The following GJA1 variants were observed in gnomAD, a reference collection of about 807,000 sequenced individuals.
GJA1 encodes gap junction protein alpha 1.
Under a neutral mutation model 31.0 loss-of-function variants are expected in GJA1, and 9 were observed. The ratio of observed to expected loss-of-function variants is 0.29; its 90% CI spans 0.17 to 0.51. The LOEUF is 0.51. Ranked by LOEUF, GJA1 falls within the 20% of genes least tolerant of loss-of-function variation. The pLI is 0.98. For missense variants in GJA1, 278 were observed against 468.8 expected, an observed-to-expected ratio of 0.59 and a Z score of 3.76; for synonymous variants, 186 against 180.1, an observed-to-expected ratio of 1.03 and a Z score of -0.26.
chr6:121,441,209 C>T (rs1358401976), intron 1 of GJA1, among the ~76,000 whole-genome samples: 4 of 152,294 alleles, frequency 2.6e-5, no homozygotes, highest in South Asian at 2.1e-4. Flanking sequence ...GCCTCGGCCT[C>T]CCAAAGTGCT....
At chr6:121,443,040 C>T (rs923071147) in intron 1 of GJA1, among the ~76,000 whole-genome samples, 4 of 152,150 alleles carry the variant, frequency 2.6e-5, no homozygotes, top group African/African-American at 7.2e-5. Flanking sequence ...AGAAATATAC[C>T]TGTTTCCCCC....
intron 1 of GJA1, among the ~76,000 whole-genome samples, chr6:121,437,033 C>A (rs957024735): frequency 6.6e-6 from 1 of 152,222 alleles, no homozygotes; most frequent in African/African-American, 2.4e-5. Context: ...AGTATTTGCA[C>A]CAGTGAATGC....
At chr6:121,445,176 G>A (rs564282197) in intron 1 of GJA1, among the ~76,000 whole-genome samples, 51 of 152,102 alleles carry the variant, frequency 3.4e-4, no homozygotes, top group Non-Finnish European at 5.1e-4. Flanking sequence ...TTAGTGAGAC[G>A]GAGTCTCTCT....
intron 1 of GJA1, among the ~76,000 whole-genome samples, chr6:121,445,185 C>CT (rs1394062044): frequency 6.6e-6 from 1 of 152,194 alleles, no homozygotes; most frequent in Non-Finnish European, 1.5e-5. Flanking sequence ...CGGAGTCTCT[C>CT]TTTGTCACCC....
At position 121,447,622 on chromosome 6, in the gene GJA1, G is replaced by T; in HGVS notation, c.775G>T (p.Asp259Tyr). 3.7e-6 allele frequency: 6 copies of T among 1,613,912 alleles called. No individual in the cohort carries two copies. The highest frequency in any genetic ancestry group is 5.1e-6 in the Non-Finnish European group (6 of 1,179,972). ...ATSGALSPAK[D>Y]CGSQKYAYFN... ...CAGTGGTGCGCTGAGCCCTGCCAAA[G>T]ACTGTGGGTCTCAAAAATATGCTTA... is the stretch of plus-strand genomic sequence containing the variant. The change falls in exon 2 of 2, where the codon GAC (aspartate) becomes TAC (tyrosine). Residue 259 changes from aspartate to tyrosine, a missense_variant. By Grantham distance (160) the Asp-to-Tyr change is radical. Coordinates refer to ENST00000282561, the MANE Select transcript of GJA1 (RefSeq NM_000165.5).
chr6:121,438,152 A>C (rs1346860500), intron 1 of GJA1, among the ~76,000 whole-genome samples: 1 of 152,202 alleles, frequency 6.6e-6, no homozygotes, highest in Admixed American at 6.5e-5. Context: ...TTATTAGAAC[A>C]TTGTTCCCCC....
At position 121,448,030 on chromosome 6, in the gene GJA1, T is replaced by A; in HGVS notation, c.*34T>A. On this transcript the variant is annotated 3_prime_UTR_variant, in exon 2 of 2. Transcript: ENST00000282561. Reference sequence around the variant, plus strand: ...TTGAAAGCATCAAGATTCCACTCAATTGTGGAGAAGAAAAAAGGTGCTGTA... The same window carrying A: ...TTGAAAGCATCAAGATTCCACTCAAATGTGGAGAAGAAAAAAGGTGCTGTA... The A allele has an allele frequency of 6.3e-7, 1 of 1,579,558 alleles. No individual in the cohort carries two copies. The highest frequency in any genetic ancestry group is 8.7e-7 in the Non-Finnish European group (1 of 1,148,486).
chr6:121,448,181 TGGAGAGG>T lies in GJA1; in HGVS notation c.*187_*193del, dbSNP rs1224478048. 3.0e-6 allele frequency: 2 copies of T among 661,528 alleles called. No homozygotes were observed. The highest frequency in any genetic ancestry group is 5.6e-6 in the Non-Finnish European group (2 of 359,596). 41.0% of individuals were successfully genotyped at this position (661,528 alleles called of 1,614,324 possible). On this transcript the variant is annotated 3_prime_UTR_variant, in exon 2 of 2. Transcript: ENST00000282561. ...ACTGGGGGTGTATGGGGTAGATGGG[TGGAGAGG>T]GAGGGGATAAGAGAGGTGCATGTTG...
At chr6:121,445,781 C>G (rs1392968344) in intron 1 of GJA1, among the ~76,000 whole-genome samples, 2 of 152,114 alleles carry the variant, frequency 1.3e-5, no homozygotes, top group Non-Finnish European at 2.9e-5. Context: ...TATTTCCATA[C>G]AGCCTACTTT....
intron 1 of GJA1, among the ~76,000 whole-genome samples, chr6:121,438,824 C>T (rs987364863): frequency 6.6e-6 from 1 of 151,110 alleles, no homozygotes; most frequent in Non-Finnish European, 1.5e-5. Context: ...AAATTCTTAG[C>T]ATAATTGTCT....
chr6:121,449,495 T>A lies in GJA1; in HGVS notation c.*1499T>A, dbSNP rs545138467. On this transcript the variant is annotated 3_prime_UTR_variant, in exon 2 of 2. Transcript: ENST00000282561. ...TACCAGTTTCTCCAAATGCCTTTTTTAAAACTCATCACAGAAGATTGGTGA... is the reference window on the plus strand; with the variant it reads ...TACCAGTTTCTCCAAATGCCTTTTTAAAAACTCATCACAGAAGATTGGTGA... 6.0e-6 allele frequency: 1 copy of A among 167,216 alleles called. No individual in the cohort carries two copies. The highest frequency in any genetic ancestry group is 2.4e-5 in the African/African-American group (1 of 41,588). 10.4% of individuals were successfully genotyped at this position (167,216 alleles called of 1,614,324 possible).
At chr6:121,440,782 C>T (rs975622335) in intron 1 of GJA1, among the ~76,000 whole-genome samples, 7 of 151,978 alleles carry the variant, frequency 4.6e-5, no homozygotes, top group Admixed American at 3.3e-4. Flanking sequence ...CACTCTATCA[C>T]CCGGGTTGGA....
At chr6:121,439,244 G>A (rs556985763) in intron 1 of GJA1, among the ~76,000 whole-genome samples, 3 of 152,226 alleles carry the variant, frequency 2.0e-5, no homozygotes, top group South Asian at 2.1e-4. Flanking sequence ...TCTAAAGGTC[G>A]TCTAAAGAGT....
intron 1 of GJA1, among the ~76,000 whole-genome samples, chr6:121,437,158 C>T (rs1177576017): frequency 6.6e-6 from 1 of 152,184 alleles, no homozygotes; most frequent in Non-Finnish European, 1.5e-5. Flanking sequence ...CTGCCCGAAC[C>T]AGCTCGGTCT....
At position 121,444,159 on chromosome 6, in the gene GJA1, CTGTCTT is replaced by C. The variant is rs527310455; in HGVS notation, c.-16-2668_-16-2663del. Among the ~76,000 whole-genome samples, 337 of 152,292 alleles carry C rather than the reference CTGTCTT, an allele frequency of 2.2e-3. 1 individual carries two copies. Among genetic ancestry groups the C allele is most frequent in the African/African-American group, 7.9e-3 (327 of 41,574 alleles). On this transcript the variant is annotated intron_variant, in intron 1 of 1. Transcript: ENST00000282561. ...TTCAAGCCTTTCCTTGGCTATTCAA[CTGTCTT>C]TGTCAGCCTTTCAAGCCTTTGTTCT...
Position 121,447,686 on chromosome 6 carries a change from C to G in GJA1, c.839C>G (p.Pro280Arg), listed in dbSNP as rs1180040756. ...GCSSPTAPLS[P>R]MSPPGYKLVT... ...TCCTCACCAACCGCTCCCCTCTCGC[C>G]TATGTCTCCTCCTGGGTACAAGCTG... The change falls in exon 2 of 2, where the codon CCT becomes CGT. Residue 280 changes from proline (P) to arginine (R), a missense_variant. Coordinates refer to ENST00000282561, the MANE Select transcript of GJA1 (RefSeq NM_000165.5). 1 of 1,614,096 alleles carries G rather than the reference C, an allele frequency of 6.2e-7. No homozygotes were observed. Among genetic ancestry groups the G allele is most frequent in the Admixed American group, 1.7e-5 (1 of 60,004 alleles).
intron 1 of GJA1, among the ~76,000 whole-genome samples, chr6:121,437,437 G>A (rs538913767): frequency 1.3e-5 from 2 of 150,034 alleles, no homozygotes; most frequent in South Asian, 4.2e-4. Flanking sequence ...TGAATACCTT[G>A]GGAATTGTGC....
chr6:121,440,496 C>T (rs757810200), intron 1 of GJA1, among the ~76,000 whole-genome samples: 6 of 152,020 alleles, frequency 3.9e-5, no homozygotes, highest in Non-Finnish European at 5.9e-5. Flanking sequence ...TCTGTTTCAG[C>T]AATTGTCACT....
chr6:121,448,019 A>T lies in GJA1; in HGVS notation c.*23A>T. 6.3e-7 allele frequency: 1 copy of T among 1,598,760 alleles called. No homozygotes were observed. The highest frequency in any genetic ancestry group is 8.6e-7 in the Non-Finnish European group (1 of 1,166,056). On this transcript the variant is annotated 3_prime_UTR_variant, in exon 2 of 2. Transcript: ENST00000282561. ...TAGATACAGGCTTGAAAGCATCAAG[A>T]TTCCACTCAATTGTGGAGAAGAAAA...
Sources: allele counts gnomAD v4.1 joint callset (sites outside exome capture counted in the v4.1 genomes callset), GRCh38; gene constraint gnomAD v4.1.1; transcripts MANE v1.5; gene names NCBI Gene and HGNC (gene_info 2026-07-23, HGNC 2026-07-21).